The following FARS2 variants were observed in gnomAD, a reference collection of about 807,000 sequenced individuals.
FARS2 encodes the protein phenylalanine--tRNA ligase, mitochondrial.
FARS2 carries 40 observed loss-of-function variants against 46.4 expected under a neutral mutation model. The ratio of observed to expected loss-of-function variants is 0.86; its 90% CI spans 0.67 to 1.12. FARS2 has a LOEUF of 1.12. Among genes scored for constraint, FARS2 ranks in the 50% most tolerant of loss-of-function variants. The pLI, the probability that FARS2 is intolerant of heterozygous loss-of-function variation, is 0.00. For missense variants in FARS2, 513 were observed against 567.9 expected (o/e 0.90, Z 0.98); for synonymous variants, 234 against 214.9 (o/e 1.09, Z -0.78).
chr6:5,510,904 C>T (rs1768410999), intron 4 of FARS2, among the ~76,000 whole-genome samples: 1 of 152,122 alleles, frequency 6.6e-6, no homozygotes, highest in Admixed American at 6.5e-5. Context: ...CTGGGCTTTA[C>T]CGGTATGCAG....
At chr6:5,728,935 G>A (rs954689637) in intron 6 of FARS2, among the ~76,000 whole-genome samples, 4 of 152,156 alleles carry the variant, frequency 2.6e-5, no homozygotes, top group Admixed American at 6.5e-5. Context: ...GGTGGTAGAC[G>A]GGGAGAGATA....
Position 5,346,913 on chromosome 6 carries a change from T to C in FARS2, c.-21-21637T>C, listed in dbSNP as rs1757274128. Among the ~76,000 whole-genome samples the C allele has an allele frequency of 5.0e-5, 5 of 100,600 alleles. No individual in the cohort carries two copies. The South Asian group carries it at 2.3e-3, about 47-fold the overall frequency. 66.0% of individuals were successfully genotyped at this position (100,600 alleles called of 152,430 possible). On this transcript the variant is annotated intron_variant, in intron 1 of 6. Coordinates refer to ENST00000274680, the MANE Select transcript of FARS2 (RefSeq NM_006567.5). ...ACCTTAGTTATACCATTCATTAGGTTTTTTTTTTTTTTTTAATTGAGATGG... is the reference window on the plus strand; with the variant it reads ...ACCTTAGTTATACCATTCATTAGGTCTTTTTTTTTTTTTTAATTGAGATGG...
intron 6 of FARS2, among the ~76,000 whole-genome samples, chr6:5,691,165 G>A (rs547687350): frequency 1.1e-4 from 17 of 152,088 alleles, no homozygotes; most frequent in Middle Eastern, 3.4e-3. Flanking sequence ...TAGTTTGATC[G>A]TCTGAAGCCT....
intron 5 of FARS2, among the ~76,000 whole-genome samples, chr6:5,612,608 G>A (rs1775250901): frequency 6.6e-6 from 1 of 151,234 alleles, no homozygotes; most frequent in Non-Finnish European, 1.5e-5. Flanking sequence ...ATGGAATAAA[G>A]TGGGGGAAAT....
chr6:5,527,179 A>G (rs369259363), intron 4 of FARS2, among the ~76,000 whole-genome samples: 1 of 152,214 alleles, frequency 6.6e-6, no homozygotes, highest in Admixed American at 6.5e-5. Flanking sequence ...GTGCTGGGCC[A>G]GTGCTTCTCC....
At chr6:5,305,270 A>G (rs1413061894) in intron 1 of FARS2, among the ~76,000 whole-genome samples, 1 of 152,256 alleles carries the variant, frequency 6.6e-6, no homozygotes, top group Non-Finnish European at 1.5e-5. Flanking sequence ...TTTTAAAATT[A>G]CAATTTTCTA....
At chr6:5,671,198 G>A (rs1261523164) in intron 6 of FARS2, among the ~76,000 whole-genome samples, 1 of 152,258 alleles carries the variant, frequency 6.6e-6, no homozygotes, top group East Asian at 1.9e-4. Context: ...TTTAGGGCCT[G>A]TTGCTGGCCA....
At chr6:5,708,068 G>A (rs553690149) in intron 6 of FARS2, among the ~76,000 whole-genome samples, 22 of 152,254 alleles carry the variant, frequency 1.4e-4, no homozygotes, top group East Asian at 1.3e-3. Flanking sequence ...GGCTACTGTG[G>A]GTAGGATGAA....
intron 4 of FARS2, among the ~76,000 whole-genome samples, chr6:5,455,211 C>G (rs1764772933): frequency 6.6e-6 from 1 of 152,192 alleles, no homozygotes; most frequent in Non-Finnish European, 1.5e-5. Context: ...CAGATGGTTA[C>G]CAAGCAGCTT....
intron 1 of FARS2, among the ~76,000 whole-genome samples, chr6:5,290,014 G>A (rs1043853095): frequency 5.9e-5 from 9 of 152,182 alleles, no homozygotes; most frequent in East Asian, 3.8e-4. Context: ...AAGCTAGTTA[G>A]AGAGTGTAAA....
At chr6:5,356,119 C>T (rs1429541382) in intron 1 of FARS2, among the ~76,000 whole-genome samples, 5 of 152,186 alleles carry the variant, frequency 3.3e-5, no homozygotes, top group Non-Finnish European at 5.9e-5. Context: ...CATTTCACGC[C>T]TTTCTGTGCT....
chr6:5,516,190 C>T (rs1391741033), intron 4 of FARS2, among the ~76,000 whole-genome samples: 1 of 152,190 alleles, frequency 6.6e-6, no homozygotes, highest in Non-Finnish European at 1.5e-5. Context: ...ATCGTCACAC[C>T]AGCTCTTGAA....
At chr6:5,472,026 C>T (rs913766459) in intron 4 of FARS2, among the ~76,000 whole-genome samples, 2 of 152,234 alleles carry the variant, frequency 1.3e-5, no homozygotes, top group African/African-American at 4.8e-5. Context: ...TTTTCTCCTC[C>T]TCTTCCTCTT....
intron 1 of FARS2, among the ~76,000 whole-genome samples, chr6:5,280,142 T>C (rs1000799587): frequency 6.6e-6 from 1 of 152,216 alleles, no homozygotes. Context: ...TCCTGGATAC[T>C]GCTGCTTGAA....
chr6:5,436,019 A>C (rs540690292), intron 4 of FARS2, among the ~76,000 whole-genome samples: 93 of 150,188 alleles, frequency 6.2e-4, no homozygotes, highest in Non-Finnish European at 1.2e-3. Flanking sequence ...GTGAATCAGC[A>C]TTGCTCCTGC....
intron 6 of FARS2, among the ~76,000 whole-genome samples, chr6:5,640,743 T>A (rs1776776352): frequency 6.6e-6 from 1 of 152,226 alleles, no homozygotes; most frequent in South Asian, 2.1e-4. Context: ...TACCACATAG[T>A]TCAACTGCAT....
At chr6:5,624,001 T>G (rs1582613582) in intron 6 of FARS2, among the ~76,000 whole-genome samples, 1 of 152,292 alleles carries the variant, frequency 6.6e-6, no homozygotes, top group African/African-American at 2.4e-5. Flanking sequence ...AAGTTGTGTC[T>G]CCTTGAAATT....
chr6:5,390,916 G>A (rs189272693), intron 2 of FARS2, among the ~76,000 whole-genome samples: 76 of 152,310 alleles, frequency 5.0e-4, no homozygotes, highest in African/African-American at 9.4e-4. Context: ...CCAAGAAACT[G>A]TTCACATTGA....
intron 5 of FARS2, chr6:5,609,882 CT>C: frequency 3.0e-6 from 3 of 1,007,520 alleles, no homozygotes; most frequent in Non-Finnish European, 4.7e-6. Flanking sequence ...CAACAAATGC[CT>C]TTTTCACAGT....
Sources: gnomAD v4.1 joint callset for allele counts (sites outside exome capture counted in the v4.1 genomes callset) on GRCh38, gnomAD v4.1.1 for gene constraint, MANE v1.5 for transcripts, NCBI Gene and HGNC (gene_info 2026-07-23, HGNC 2026-07-21) for gene names.